AGAP1: variants seen among roughly 807,000 people sequenced by gnomAD.
AGAP1 encodes the protein arf-GAP with GTPase, ANK repeat and PH domain-containing protein 1.
AGAP1 carries 29 observed loss-of-function variants against 105.3 expected under a neutral mutation model. The ratio of observed to expected loss-of-function variants is 0.28; its 90% CI spans 0.21 to 0.38. AGAP1 has a LOEUF of 0.38. AGAP1 is among the 10% of genes least tolerant of loss of function. The pLI is 1.00. For synonymous variants in AGAP1, 509 were observed against 485.9 expected, an observed-to-expected ratio of 1.05 and a Z score of -0.63; for missense variants, 998 against 1,165.1, an observed-to-expected ratio of 0.86 and a Z score of 2.09.
rs891614898 is a variant in AGAP1 at position 235,724,869 on chromosome 2, C to A, written c.310+7225C>A. Among the ~76,000 whole-genome samples, 7 of 152,174 alleles carry A rather than the reference C, an allele frequency of 4.6e-5. No individual in the cohort carries two copies. Among genetic ancestry groups the A allele is most frequent in the Non-Finnish European group, 1.5e-5 (1 of 68,024 alleles). ...GCAGGAAAGTACACCAGACCCACCT[C>A]ATTTCTTACATCTCTCCAAGAGAAG... On this transcript the variant is annotated intron_variant, in intron 3 of 17. Coordinates refer to ENST00000304032, the MANE Select transcript of AGAP1 (RefSeq NM_001037131.3). This position sits in a 1 kb window ranked among gnomAD's most constrained non-coding sequence, Gnocchi z 4.9.
chr2:236,045,805 T>C lies in AGAP1; in HGVS notation c.1892-3254T>C, dbSNP rs2125698089. Reference sequence around the variant, plus strand: ...ATGCTTAGATACCAACCCTTGCCGATGAGTCATTCTCTGCTGGAGCGGAGG... The same window carrying C: ...ATGCTTAGATACCAACCCTTGCCGACGAGTCATTCTCTGCTGGAGCGGAGG... On this transcript the variant is annotated intron_variant, in intron 15 of 17. Coordinates refer to ENST00000304032, the MANE Select transcript of AGAP1 (RefSeq NM_001037131.3). This position sits in a 1 kb window ranked among gnomAD's most constrained non-coding sequence, Gnocchi z 6.9. 5.2e-6 allele frequency: 2 copies of C among 384,694 alleles called. No individual in the cohort carries two copies. Among genetic ancestry groups the C allele is most frequent in the South Asian group, 3.8e-5 (2 of 51,958 alleles). The allele number at this position is 384,694 out of a possible 1,614,324, so 23.8% of individuals were successfully genotyped here.
At chr2:235,826,998 A>G (rs1027333914) in intron 9 of AGAP1, among the ~76,000 whole-genome samples, 1 of 152,138 alleles carries the variant, frequency 6.6e-6, no homozygotes, top group African/African-American at 2.4e-5. Flanking sequence ...TGGAGAATTC[A>G]GTACCAGATC....
rs964990319 is a variant in AGAP1 at position 235,830,720 on chromosome 2, G to A, written c.1050+23389G>A. On this transcript the variant is annotated intron_variant, in intron 9 of 17. Coordinates refer to ENST00000304032, the MANE Select transcript of AGAP1 (RefSeq NM_001037131.3). This position sits in a 1 kb window ranked among gnomAD's most constrained non-coding sequence, Gnocchi z 5.5. Reference sequence around the variant, plus strand: ...CCAAGCCACTAACACAGCACTCCTAGTGTTCCTCACAGCAGGTGGAAAATG... The same window carrying A: ...CCAAGCCACTAACACAGCACTCCTAATGTTCCTCACAGCAGGTGGAAAATG... 9.2e-5 allele frequency among the ~76,000 whole-genome samples: 14 copies of A among 152,232 alleles called. No individual in the cohort carries two copies. The highest frequency in any genetic ancestry group is 2.9e-4 in the African/African-American group (12 of 41,462).
At chr2:235,638,002 C>G (rs918530605) in intron 1 of AGAP1, among the ~76,000 whole-genome samples, 1 of 152,166 alleles carries the variant, frequency 6.6e-6, no homozygotes, top group Non-Finnish European at 1.5e-5. Context: ...TATCTTTACT[C>G]GTTCTACTGA....
Position 235,586,502 on chromosome 2 carries a change from G to GC in AGAP1, c.163+91654dup, listed in dbSNP as rs1945117472. On this transcript the variant is annotated intron_variant, in intron 1 of 17. Coordinates refer to ENST00000304032, the MANE Select transcript of AGAP1 (RefSeq NM_001037131.3). This position sits in a 1 kb window ranked among gnomAD's most constrained non-coding sequence, Gnocchi z 4.2. ...TTCACAGCAGTCAAGGCTGCCACGA[G>GC]CAAGTATTTTGAGTGCTCCTTATGT... is the stretch of plus-strand genomic sequence containing the variant. 6.6e-6 allele frequency among the ~76,000 whole-genome samples: 1 copy of GC among 152,238 alleles called. No individual in the cohort carries two copies. The highest frequency in any genetic ancestry group is 1.5e-5 in the Non-Finnish European group (1 of 68,048).
intron 1 of AGAP1, among the ~76,000 whole-genome samples, chr2:235,531,634 G>A (rs559345849): frequency 6.8e-6 from 1 of 146,526 alleles, no homozygotes; most frequent in South Asian, 2.2e-4. Context: ...TTGAGACAGA[G>A]TCTTGCTGTG....
intron 9 of AGAP1, among the ~76,000 whole-genome samples, chr2:235,828,279 T>C (rs1159957483): frequency 6.6e-6 from 1 of 152,182 alleles, no homozygotes; most frequent in Non-Finnish European, 1.5e-5. Context: ...AAGCACCCCA[T>C]GTTGGGAATT....
chr2:236,025,927 G>A (rs1183647739), intron 13 of AGAP1, among the ~76,000 whole-genome samples: 2 of 152,006 alleles, frequency 1.3e-5, no homozygotes, highest in African/African-American at 2.4e-5. Flanking sequence ...TGGATGGATG[G>A]ATGGATGGAT....
chr2:235,730,871 A>G (rs1951908480), intron 3 of AGAP1, among the ~76,000 whole-genome samples: 1 of 152,078 alleles, frequency 6.6e-6, no homozygotes, highest in African/African-American at 2.4e-5. Flanking sequence ...GGGGCCAATC[A>G]TTATGTGACT....
chr2:235,858,242 A>G (rs1156571452), intron 9 of AGAP1, among the ~76,000 whole-genome samples: 3 of 152,232 alleles, frequency 2.0e-5, no homozygotes, highest in Non-Finnish European at 2.9e-5. Flanking sequence ...ATTCATTGCT[A>G]AGATGCATTT....
chr2:235,688,510 A>G (rs955252870), intron 1 of AGAP1, among the ~76,000 whole-genome samples: 1 of 152,256 alleles, frequency 6.6e-6, no homozygotes, highest in African/African-American at 2.4e-5. Flanking sequence ...GTACTTTAGT[A>G]TGCCCTGCAG....
At chr2:235,776,795 C>A (rs990855817) in intron 6 of AGAP1, among the ~76,000 whole-genome samples, 17 of 152,178 alleles carry the variant, frequency 1.1e-4, no homozygotes, top group African/African-American at 3.9e-4. Context: ...CAAAGCCTTG[C>A]TCTGAGCGAA....
chr2:235,710,149 T>A (rs1950776863), intron 2 of AGAP1, among the ~76,000 whole-genome samples: 1 of 152,154 alleles, frequency 6.6e-6, no homozygotes, highest in Admixed American at 6.5e-5. Flanking sequence ...GCATTTCTAT[T>A]GATAGCACCA....
At chr2:235,710,433 C>T (rs1264586713) in intron 2 of AGAP1, among the ~76,000 whole-genome samples, 2 of 152,222 alleles carry the variant, frequency 1.3e-5, no homozygotes, top group Non-Finnish European at 2.9e-5. Context: ...TGGTGTCTGA[C>T]ACACCCATCC....
chr2:235,895,603 G>C (rs1383580636), intron 10 of AGAP1, among the ~76,000 whole-genome samples: 1 of 152,038 alleles, frequency 6.6e-6, no homozygotes, highest in Admixed American at 6.6e-5. Context: ...TTACTCTATT[G>C]GGCCATCTCT....
chr2:235,968,707 C>A, intron 13 of AGAP1, 84 bp downstream of exon 13: 4 of 1,402,090 alleles, frequency 2.9e-6, no homozygotes, highest in African/African-American at 1.5e-5. Context: ...ATTAGACACC[C>A]TTAGCACAAC....
rs2059168318 is a variant in AGAP1 at position 236,095,414 on chromosome 2, C to T, written c.2115-24778C>T. On this transcript the variant is annotated intron_variant, in intron 16 of 17. Coordinates refer to ENST00000304032, the MANE Select transcript of AGAP1 (RefSeq NM_001037131.3). The surrounding 1 kb of genome is among the most constrained non-coding windows in gnomAD (Gnocchi z 4.1). Reference sequence around the variant, plus strand: ...CTTGTCTTGGCTGGGCACAGTGGCTCACGTGTGTAATCCCAGCACTTTTGG... The same window carrying T: ...CTTGTCTTGGCTGGGCACAGTGGCTTACGTGTGTAATCCCAGCACTTTTGG... Among the ~76,000 whole-genome samples, 1 of 151,936 alleles carries T rather than the reference C, an allele frequency of 6.6e-6. No individual in the cohort carries two copies. Among genetic ancestry groups the T allele is most frequent in the South Asian group, 2.1e-4 (1 of 4,826 alleles).
At chr2:235,937,605 G>C (rs978193113) in intron 12 of AGAP1, among the ~76,000 whole-genome samples, 2 of 152,212 alleles carry the variant, frequency 1.3e-5, no homozygotes, top group Non-Finnish European at 2.9e-5. Flanking sequence ...AGTAGAGAAG[G>C]ATATTGTTGC....
Position 235,555,878 on chromosome 2 carries a change from A to T in AGAP1, c.163+61029A>T, listed in dbSNP as rs2149125416. Reference sequence around the variant, plus strand: ...GTTTGCAGGTTTGTGCAGGGCATTGATTGGTTGGTTGGTTGATTGGCTGAG... The same window carrying T: ...GTTTGCAGGTTTGTGCAGGGCATTGTTTGGTTGGTTGGTTGATTGGCTGAG... On this transcript the variant is annotated intron_variant, in intron 1 of 17. Coordinates refer to ENST00000304032, the MANE Select transcript of AGAP1 (RefSeq NM_001037131.3). This position sits in a 1 kb window ranked among gnomAD's most constrained non-coding sequence, Gnocchi z 5.1. Among the ~76,000 whole-genome samples, 1 of 152,186 alleles carries T rather than the reference A, an allele frequency of 6.6e-6. No homozygotes were observed. Among genetic ancestry groups the T allele is most frequent in the African/African-American group, 2.4e-5 (1 of 41,518 alleles).
Sources: gnomAD v4.1 joint callset for allele counts (sites outside exome capture counted in the v4.1 genomes callset) on GRCh38, gnomAD v4.1.1 for gene constraint, Gnocchi (gnomAD v3.1) non-coding constraint, MANE v1.5 for transcripts, NCBI Gene and HGNC (gene_info 2026-07-23, HGNC 2026-07-21) for gene names.